Variants in RAP1GAP2 observed in about 807,000 individuals in gnomAD.
The protein encoded by RAP1GAP2 is rap1 GTPase-activating protein 2.
In RAP1GAP2, 27 loss-of-function variants were observed where a neutral mutation model predicts 95.0. That is an observed-to-expected ratio of 0.28 (90% confidence interval 0.21 to 0.39). The LOEUF is 0.39. Ranked by LOEUF, RAP1GAP2 falls within the 10% of genes least tolerant of loss-of-function variation. The pLI, the probability that RAP1GAP2 is intolerant of heterozygous loss-of-function variation, is 1.00. For missense variants in RAP1GAP2, 771 were observed against 970.0 expected (o/e 0.79, Z 2.72); for synonymous variants, 373 against 380.9 (o/e 0.98, Z 0.24).
chr17:2,894,877 C>T (rs2073836344), intron 2 of RAP1GAP2, among the ~76,000 whole-genome samples: 1 of 152,178 alleles, frequency 6.6e-6, no homozygotes, highest in African/African-American at 2.4e-5. Context: ...CCCCTGGCCC[C>T]TCCCTTCCAG....
chr17:2,810,031 C>G (rs868438944), intron 2 of RAP1GAP2, among the ~76,000 whole-genome samples: 3 of 148,414 alleles, frequency 2.0e-5, no homozygotes, highest in Non-Finnish European at 3.0e-5. Flanking sequence ...CCCCTCCCCC[C>G]GCCCCACCCC....
chr17:2,980,216 G>C, intron 8 of RAP1GAP2, 71 bp from the exon 9 acceptor site: 1 of 1,467,550 alleles, frequency 6.8e-7, no homozygotes, highest in Non-Finnish European at 9.5e-7. Flanking sequence ...ATGCTGAGAT[G>C]ACAGGCACGA....
chr17:2,812,520 C>T (rs11652853), intron 2 of RAP1GAP2, among the ~76,000 whole-genome samples: 64,617 of 151,962 alleles, frequency 0.43, 14,178 homozygotes, highest in Non-Finnish European at 0.49. Flanking sequence ...CTTGATAGTG[C>T]TGACTCTGAT....
chr17:2,988,877 C>T (rs1422559315), intron 11 of RAP1GAP2, among the ~76,000 whole-genome samples: 1 of 152,118 alleles, frequency 6.6e-6, no homozygotes. Flanking sequence ...CTGGCTAACA[C>T]GGTGAAACCC....
intron 2 of RAP1GAP2, among the ~76,000 whole-genome samples, chr17:2,836,390 G>T (rs1182186946): frequency 6.6e-6 from 1 of 152,162 alleles, no homozygotes; most frequent in Non-Finnish European, 1.5e-5. Context: ...TCAGGACTTG[G>T]GGAGGCCAAG....
At chr17:2,765,331 C>T (rs1232171488) in intron 1 of RAP1GAP2, among the ~76,000 whole-genome samples, 1 of 152,130 alleles carries the variant, frequency 6.6e-6, no homozygotes, top group Non-Finnish European at 1.5e-5. Context: ...GTCGCCCCAT[C>T]TTACCTGAGC....
At chr17:2,949,503 G>A (rs1170662870) in intron 3 of RAP1GAP2, among the ~76,000 whole-genome samples, 1 of 150,724 alleles carries the variant, frequency 6.6e-6, no homozygotes, top group Non-Finnish European at 1.5e-5. Context: ...AGCATTAACT[G>A]AGTGCCTGCT....
intron 3 of RAP1GAP2, among the ~76,000 whole-genome samples, chr17:2,954,569 C>CTTATTTATTTATTTAT (rs142139752): frequency 6.6e-6 from 1 of 150,686 alleles, no homozygotes; most frequent in African/African-American, 2.5e-5. Context: ...CATATCAGTA[C>CTTATTTATTTATTTAT]TTATTTATTT....
chr17:2,999,114 G>C (rs1034470315), intron 14 of RAP1GAP2, among the ~76,000 whole-genome samples: 1 of 152,142 alleles, frequency 6.6e-6, no homozygotes, highest in African/African-American at 2.4e-5. Context: ...GGGTCTGTCA[G>C]ATGGCTCGAA....
intron 3 of RAP1GAP2, among the ~76,000 whole-genome samples, chr17:2,934,081 C>T (rs943742551): frequency 6.6e-6 from 1 of 152,272 alleles, no homozygotes; most frequent in Non-Finnish European, 1.5e-5. Flanking sequence ...TCATCCATGC[C>T]TCATCTTTAT....
intron 1 of RAP1GAP2, among the ~76,000 whole-genome samples, chr17:2,762,197 C>T (rs2071266558): frequency 6.6e-6 from 1 of 151,306 alleles, no homozygotes; most frequent in Non-Finnish European, 1.5e-5. Flanking sequence ...CCGTGTTAGC[C>T]AGGATGATCT....
At chr17:2,842,485 G>A (rs554997885) in intron 2 of RAP1GAP2, among the ~76,000 whole-genome samples, 2 of 145,200 alleles carry the variant, frequency 1.4e-5, no homozygotes, top group East Asian at 2.0e-4. Context: ...AGCCGAGATC[G>A]CGCTACTGCA....
intron 3 of RAP1GAP2, among the ~76,000 whole-genome samples, chr17:2,926,213 A>T (rs1444627548): frequency 6.6e-6 from 1 of 151,858 alleles, no homozygotes; most frequent in Non-Finnish European, 1.5e-5. Flanking sequence ...TCATGGAGAC[A>T]GGAGCCAGGA....
chr17:2,952,092 T>C (rs943542843), intron 3 of RAP1GAP2, among the ~76,000 whole-genome samples: 1 of 152,104 alleles, frequency 6.6e-6, no homozygotes, highest in Non-Finnish European at 1.5e-5. Flanking sequence ...AAATCATCTG[T>C]ACCTTCAGCC....
At chr17:2,991,954 C>T (rs548503762) in intron 12 of RAP1GAP2, among the ~76,000 whole-genome samples, 47 of 151,846 alleles carry the variant, frequency 3.1e-4, no homozygotes, top group East Asian at 1.2e-3. Flanking sequence ...TGAGTAGAGA[C>T]GGGGTTTCGC....
rs903404461 is a variant in RAP1GAP2, at chr17:2,871,343, G to A, written c.81-33941G>A. ...GCTCTGGTTAGATACATTCCAGGGA[G>A]GAGTTCTGATTGGCCTGGATTGTGT... On this transcript the variant is annotated intron_variant, in intron 2 of 24. Transcript: ENST00000254695. The surrounding 1 kb of genome is among the most constrained non-coding windows in gnomAD (Gnocchi z 5.0). Among the ~76,000 whole-genome samples, 4 of 152,236 alleles carry A rather than the reference G, an allele frequency of 2.6e-5. No homozygotes were observed. Among genetic ancestry groups the A allele is most frequent in the Non-Finnish European group, 4.4e-5 (3 of 68,038 alleles).
chr17:3,008,546 G>C lies in RAP1GAP2; in HGVS notation c.1494+401G>C, dbSNP rs1455027197. 6.6e-6 allele frequency among the ~76,000 whole-genome samples: 1 copy of C among 152,208 alleles called. No individual in the cohort carries two copies. The highest frequency in any genetic ancestry group is 1.5e-5 in the Non-Finnish European group (1 of 68,024). ...AGGACCACAGCCCTTACGGGTCTTC[G>C]TAGCTGCTGTGGGTGCCACAGTGAT... On this transcript the variant is annotated intron_variant, in intron 17 of 24. Transcript: ENST00000254695. This position sits in a 1 kb window ranked among gnomAD's most constrained non-coding sequence, Gnocchi z 4.2.
intron 8 of RAP1GAP2, among the ~76,000 whole-genome samples, chr17:2,974,117 G>A (rs113680148): frequency 5.7e-4 from 86 of 151,588 alleles, no homozygotes; most frequent in African/African-American, 1.9e-3. Flanking sequence ...CAAGGCGGGC[G>A]GATCACGAGG....
intron 2 of RAP1GAP2, chr17:2,854,101 A>C (rs2072020719): frequency 1.0e-6 from 1 of 985,310 alleles, no homozygotes; most frequent in African/African-American, 1.7e-5. Flanking sequence ...TAAAGAGAAA[A>C]GGTAAACCCC....
Sources: gnomAD v4.1 joint callset for allele counts (sites outside exome capture counted in the v4.1 genomes callset) on GRCh38, gnomAD v4.1.1 for gene constraint, Gnocchi (gnomAD v3.1) non-coding constraint, MANE v1.5 for transcripts, NCBI Gene and HGNC (gene_info 2026-07-23, HGNC 2026-07-21) for gene names.